The following MYH13 variants were observed in gnomAD, a reference collection of about 807,000 sequenced individuals.
MYH13 encodes myosin heavy chain 13, also known as myosin-13.
MYH13 carries 177 observed loss-of-function variants against 232.1 expected under a neutral mutation model. The ratio of observed to expected loss-of-function variants is 0.76; its 90% CI spans 0.67 to 0.86. MYH13 has a LOEUF of 0.86. MYH13 is among the 40% of genes least tolerant of loss of function. The pLI is 0.00. For missense variants in MYH13, 2,246 were observed against 2,405.9 expected (o/e 0.93, Z 1.39); for synonymous variants, 884 against 923.5 (o/e 0.96, Z 0.78).
intron 18 of MYH13, 21 bp from the exon 19 acceptor site, chr17:10,333,212 G>A (rs1258993520): frequency 9.3e-6 from 14 of 1,498,664 alleles, no homozygotes; most frequent in African/African-American, 1.4e-5. Flanking sequence ...AACGTCCCGG[G>A]GGTGTGCCTG....
chr17:10,301,984 G>A (rs968168378), intron 39 of MYH13, among the ~76,000 whole-genome samples: 1 of 151,972 alleles, frequency 6.6e-6, no homozygotes, highest in Non-Finnish European at 1.5e-5. Context: ...AGAGATCTTC[G>A]GGGGAGACCT....
intron 20 of MYH13, 137 bp from the exon 21 acceptor site, chr17:10,330,660 C>A: frequency 7.9e-7 from 1 of 1,268,356 alleles, no homozygotes; most frequent in East Asian, 2.5e-5. Flanking sequence ...GTTTCCAGGA[C>A]TTGCTTCTCG....
At chr17:10,302,857 G>A (rs980120228) in intron 39 of MYH13, among the ~76,000 whole-genome samples, 2 of 151,878 alleles carry the variant, frequency 1.3e-5, no homozygotes, top group Non-Finnish European at 2.9e-5. Flanking sequence ...TGGCTTTGAG[G>A]GTAGACTGGG....
chr17:10,356,257 T>A (rs1024284939), intron 8 of MYH13, among the ~76,000 whole-genome samples: 3 of 152,218 alleles, frequency 2.0e-5, no homozygotes. Context: ...ACATGTGCAC[T>A]GTAAGTGCTG....
intron 21 of MYH13, 38 bp from the exon 22 acceptor site, chr17:10,328,159 A>C (rs745368492): frequency 6.2e-7 from 1 of 1,607,218 alleles, no homozygotes; most frequent in Non-Finnish European, 8.5e-7. Flanking sequence ...TAAATCCAGC[A>C]AGGTCTGGTC....
At chr17:10,338,689 GTTT>G (rs757791680) in intron 18 of MYH13, among the ~76,000 whole-genome samples, 1 of 108,814 alleles carries the variant, frequency 9.2e-6, no homozygotes. Context: ...TTTTATCCTT[GTTT>G]TTTTTTTTTT....
intron 27 of MYH13, 137 bp from the exon 28 acceptor site, chr17:10,316,162 T>G (rs2142227418): frequency 8.5e-7 from 1 of 1,172,118 alleles, no homozygotes; most frequent in African/African-American, 1.6e-5. Context: ...AAGTTCAGTT[T>G]CAAAAAAATC....
At chr17:10,342,606 T>C (rs896857752) in intron 16 of MYH13, among the ~76,000 whole-genome samples, 2 of 152,206 alleles carry the variant, frequency 1.3e-5, no homozygotes, top group African/African-American at 4.8e-5. Flanking sequence ...CAATGAACTA[T>C]TATTTGTCCA....
chr17:10,310,930 C>T (rs1906487351), intron 33 of MYH13, among the ~76,000 whole-genome samples, 173 bp downstream of exon 33: 1 of 152,142 alleles, frequency 6.6e-6, no homozygotes, highest in Admixed American at 6.5e-5. Flanking sequence ...CAGAGAACGC[C>T]TAGGAGATAA....
chr17:10,359,367 A>T (rs921577201), intron 7 of MYH13, among the ~76,000 whole-genome samples: 2 of 152,226 alleles, frequency 1.3e-5, no homozygotes, highest in African/African-American at 4.8e-5. Context: ...GAGAGGTTCC[A>T]GGTTGATGAA....
At position 10,340,155 on chromosome 17, in the gene MYH13, G is replaced by A. The variant is rs1470418395; in HGVS notation, c.2051C>T (p.Thr684Ile). 6.2e-7 allele frequency: 1 copy of A among 1,612,872 alleles called. No homozygotes were observed. The highest frequency in any genetic ancestry group is 8.5e-7 in the Non-Finnish European group (1 of 1,179,124). ...VRCLIPNETK[T>I]PGVMDHYLVM... ...CAAGATCTGCTGGTACTCACCAGGA[G>A]TCTTGGTCTCATTGGGAATCAGACA... Residue 684 changes from threonine to isoleucine, a missense_variant, in exon 18 of 41, where the codon ACT becomes ATT. By Grantham distance (89) the Thr-to-Ile change is moderately conservative. Coordinates refer to ENST00000252172, the MANE Select transcript of MYH13 (RefSeq NM_003802.3).
intron 21 of MYH13, among the ~76,000 whole-genome samples, chr17:10,329,213 T>TA (rs1291491207): frequency 1.1e-4 from 16 of 152,164 alleles, no homozygotes; most frequent in African/African-American, 3.6e-4. Flanking sequence ...CTCTGACAGT[T>TA]AGAGCCACAC....
intron 27 of MYH13, among the ~76,000 whole-genome samples, chr17:10,316,490 T>C (rs183777805): frequency 3.3e-5 from 5 of 152,314 alleles, no homozygotes; most frequent in Admixed American, 3.3e-4. Context: ...TATTTCAGAT[T>C]TGTGAATGCA....
At chr17:10,338,190 A>T (rs544471202) in intron 18 of MYH13, among the ~76,000 whole-genome samples, 2 of 152,096 alleles carry the variant, frequency 1.3e-5, no homozygotes, top group South Asian at 2.1e-4. Context: ...TTATGCAAAC[A>T]TGTACTCAAC....
intron 22 of MYH13, 148 bp from the exon 23 acceptor site, chr17:10,324,412 C>T: frequency 1.1e-6 from 1 of 917,944 alleles, no homozygotes; most frequent in Non-Finnish European, 1.6e-6. Context: ...ACACACTGCA[C>T]ACACACGTGT....
rs1318961746 is a variant in MYH13, at chr17:10,353,420, G to T, written c.1005+1260C>A. 2.0e-5 allele frequency among the ~76,000 whole-genome samples: 3 copies of T among 152,346 alleles called. No homozygotes were observed. In the East Asian group the frequency reaches 5.8e-4, roughly 29 times the overall value. ...AGGCTAAGAAGCTGGTCATGGGGCA[G>T]TGTCTCTAGGATGATGGACAAGACC... On this transcript the variant is annotated intron_variant, in intron 11 of 40. Coordinates refer to ENST00000252172, the MANE Select transcript of MYH13 (RefSeq NM_003802.3).
In MYH13 at chr17:10,303,234, C is replaced by G. The variant is rs530814088; in HGVS notation, c.5629G>C (p.Ala1877Pro). Residue 1877 changes from alanine to proline, a missense_variant, in exon 39 of 41, where the codon GCC becomes CCC. Transcript: ENST00000252172. The stretch of plus-strand genomic sequence containing the variant: ...TGCCTCTTGTAAGACTTCACTTTGG[C>G]CTGCAGCTTGTCCACCAGGTCCTGG... Reference protein sequence around the residue: ...RLQDLVDKLQAKVKSYKRQAE... With the variant: ...RLQDLVDKLQPKVKSYKRQAE... 1 of 1,613,772 alleles carries G rather than the reference C, an allele frequency of 6.2e-7. No individual in the cohort carries two copies. Among genetic ancestry groups the G allele is most frequent in the East Asian group, 2.2e-5 (1 of 44,868 alleles).
At chr17:10,315,653 A>G in intron 29 of MYH13, 40 bp downstream of exon 29, 1 of 1,570,308 alleles carries the variant, frequency 6.4e-7, no homozygotes, top group Non-Finnish European at 8.7e-7. Flanking sequence ...GTGGTCATAT[A>G]GCCTGGCTTC....
At position 10,364,315 on chromosome 17, in the gene MYH13, A is replaced by T; in HGVS notation, c.204+12T>A. 2 of 1,609,296 alleles carry T rather than the reference A, an allele frequency of 1.2e-6. No individual in the cohort carries two copies. The highest frequency in any genetic ancestry group is 1.7e-6 in the Non-Finnish European group (2 of 1,176,134). On this transcript the variant is annotated intron_variant, in intron 3 of 40. Coordinates refer to ENST00000252172, the MANE Select transcript of MYH13 (RefSeq NM_003802.3). ...GCCCATATTATCAAAGACATCTGTA[A>T]TCAACACTCACCCGGTCATCGAGGG...
Sources: allele counts gnomAD v4.1 joint callset (sites outside exome capture counted in the v4.1 genomes callset), GRCh38; gene constraint gnomAD v4.1.1; transcripts MANE v1.5; gene names NCBI Gene and HGNC (gene_info 2026-07-23, HGNC 2026-07-21).